Variants in SLA observed in about 807,000 individuals in gnomAD.
The protein encoded by SLA is Src like adaptor.
In SLA, 16 loss-of-function variants were observed where a neutral mutation model predicts 30.3. That is an observed-to-expected ratio of 0.53 (90% confidence interval 0.36 to 0.80). SLA has a LOEUF of 0.80. SLA is among the 30% of genes least tolerant of loss of function. The probability of loss-of-function intolerance (pLI) is 0.01; values close to 1 mark genes in which losing one functional copy is unlikely to be tolerated. For synonymous variants in SLA, 143 were observed against 137.8 expected (o/e 1.04, Z -0.26); for missense variants, 310 against 345.2 (o/e 0.90, Z 0.81).
intron 1 of SLA, among the ~76,000 whole-genome samples, chr8:133,093,644 T>G (rs531174255): frequency 9.2e-5 from 14 of 152,318 alleles, no homozygotes; most frequent in African/African-American, 3.1e-4. Context: ...TCCTTGCCAC[T>G]GGCTGAGATT....
In SLA at chr8:133,058,460, G is replaced by A. The variant is rs902637775; in HGVS notation, c.61+1640C>T. Among the ~76,000 whole-genome samples, 8 of 152,358 alleles carry A rather than the reference G, an allele frequency of 5.3e-5. No homozygotes were observed. In the South Asian group the frequency reaches 1.0e-3, roughly 20 times the overall value. ...TGAAAAGTTGAAGGCAAATGAGCAA[G>A]CCTTGGAGACTGATGTTTTCATGAG... is the stretch of plus-strand genomic sequence containing the variant. On this transcript the variant is annotated intron_variant, in intron 3 of 8. Transcript: ENST00000338087.
rs1433616841 is a variant in SLA, at chr8:133,042,694, T to C, written c.484+2290A>G. The stretch of plus-strand genomic sequence containing the variant: ...ATTCTGTGTCTTTTTTTTTTTTTTT[T>C]TTTTTTTTTTTTTTTGTGAGATGGA... On this transcript the variant is annotated intron_variant, in intron 7 of 8. Coordinates refer to ENST00000338087, the MANE Select transcript of SLA (RefSeq NM_001045556.3). 5.5e-5 allele frequency among the ~76,000 whole-genome samples: 7 copies of C among 126,316 alleles called. No individual in the cohort carries two copies. The East Asian group carries it at 8.9e-4, about 16-fold the overall frequency. The allele number at this position is 126,316 out of a possible 152,430, so 82.9% of individuals were successfully genotyped here.
Position 133,037,337 on chromosome 8 carries a change from C to T in SLA, c.*1187G>A, listed in dbSNP as rs1356960651. 1 of 152,216 alleles carries T rather than the reference C, an allele frequency of 6.6e-6. No homozygotes were observed. Among genetic ancestry groups the T allele is most frequent in the Non-Finnish European group, 1.5e-5 (1 of 68,038 alleles). The allele number at this position is 152,216 out of a possible 1,614,324, so 9.4% of individuals were successfully genotyped here. On this transcript the variant is annotated 3_prime_UTR_variant, in exon 9 of 9. Transcript: ENST00000338087. ...TAATCCACTTGGACTCCCCATCTTTCCTGGAGCTGAGCATTTTTCCTCATA... is the reference window on the plus strand; with the variant it reads ...TAATCCACTTGGACTCCCCATCTTTTCTGGAGCTGAGCATTTTTCCTCATA...
intron 7 of SLA, among the ~76,000 whole-genome samples, chr8:133,043,854 A>C (rs1352632945): frequency 6.6e-6 from 1 of 152,216 alleles, no homozygotes; most frequent in Non-Finnish European, 1.5e-5. Context: ...TGAACCCAGA[A>C]GGGGGAAGAT....
rs1837219205 is a variant in SLA at position 133,036,949 on chromosome 8, C to G, written c.*1575G>C. On this transcript the variant is annotated 3_prime_UTR_variant, in exon 9 of 9. Coordinates refer to ENST00000338087, the MANE Select transcript of SLA (RefSeq NM_001045556.3). The stretch of plus-strand genomic sequence containing the variant: ...AAGTCAATGTCCACAGTGTTACATT[C>G]ATTTCTCATACGTTGGCTGGTTCCT... 6.6e-6 allele frequency: 1 copy of G among 152,360 alleles called. No homozygotes were observed. Among genetic ancestry groups the G allele is most frequent in the South Asian group, 2.1e-4 (1 of 4,826 alleles). 9.4% of individuals were successfully genotyped at this position (152,360 alleles called of 1,614,324 possible). A position where few individuals can be genotyped will look rare whatever the true frequency, so the allele number is the denominator to read the frequency against.
chr8:133,051,084 G>A (rs140451912), intron 3 of SLA, among the ~76,000 whole-genome samples, 169 bp from the exon 4 acceptor site: 8 of 152,320 alleles, frequency 5.3e-5, no homozygotes, highest in Non-Finnish European at 1.2e-4. Context: ...AGATGGCTCT[G>A]CAGGGTGTGC....
At chr8:133,094,123 A>G (rs1360455297) in intron 1 of SLA, among the ~76,000 whole-genome samples, 2 of 152,164 alleles carry the variant, frequency 1.3e-5, no homozygotes, top group Non-Finnish European at 2.9e-5. Flanking sequence ...GACCCCACTC[A>G]GCTCATTTGT....
At chr8:133,102,210 C>T (rs182681865) in intron 1 of SLA, among the ~76,000 whole-genome samples, 2 of 152,322 alleles carry the variant, frequency 1.3e-5, no homozygotes, top group African/African-American at 4.8e-5. Context: ...TCTGAACCAC[C>T]TCAGCTGACC....
At chr8:133,078,641 G>A (rs1310712087) in intron 1 of SLA, among the ~76,000 whole-genome samples, 1 of 152,162 alleles carries the variant, frequency 6.6e-6, no homozygotes, top group Non-Finnish European at 1.5e-5. Flanking sequence ...GCATGTAACT[G>A]TACTGTGTGC....
At chr8:133,099,713 A>G (rs1848963245) in intron 1 of SLA, among the ~76,000 whole-genome samples, 1 of 152,194 alleles carries the variant, frequency 6.6e-6, no homozygotes, top group South Asian at 2.1e-4. Flanking sequence ...TTCTGTACTC[A>G]GGCTCAAAAC....
At chr8:133,043,830 G>A (rs1838780648) in intron 7 of SLA, among the ~76,000 whole-genome samples, 1 of 152,252 alleles carries the variant, frequency 6.6e-6, no homozygotes, top group African/African-American at 2.4e-5. Flanking sequence ...CCCAGTGTGT[G>A]AGGTCAAGCA....
chr8:133,067,931 G>C (rs112878378), intron 2 of SLA, among the ~76,000 whole-genome samples: 24,307 of 148,712 alleles, frequency 0.16, 2,461 homozygotes, highest in Non-Finnish European at 0.23. Context: ...GAGAGAGAGA[G>C]AAAGAAAGAA....
intron 3 of SLA, among the ~76,000 whole-genome samples, chr8:133,055,836 G>A (rs1841342537): frequency 8.6e-5 from 1 of 11,568 alleles, no homozygotes; most frequent in Non-Finnish European, 2.1e-4. Context: ...AGCAGCAGCA[G>A]CAGCAGCAGC....
chr8:133,076,426 T>C (rs1844870224), intron 1 of SLA, among the ~76,000 whole-genome samples: 1 of 152,210 alleles, frequency 6.6e-6, no homozygotes, highest in Non-Finnish European at 1.5e-5. Context: ...ACTAGAGAGA[T>C]GGTTCCTTAG....
Position 133,088,256 on chromosome 8 carries a change from G to GCTCCTC in SLA, c.-318-13132_-318-13127dup, listed in dbSNP as rs5895174. Among the ~76,000 whole-genome samples, 316 of 151,462 alleles carry GCTCCTC rather than the reference G, an allele frequency of 2.1e-3. 1 individual carries two copies. Among genetic ancestry groups the GCTCCTC allele is most frequent in the African/African-American group, 7.4e-3 (304 of 41,294 alleles). On this transcript the variant is annotated intron_variant, in intron 1 of 8. Coordinates refer to ENST00000338087, the MANE Select transcript of SLA (RefSeq NM_001045556.3). ...GATGGAGGAGCCAGGCTCCCCTCCTGCTCCTCCTCCTCCTCCTCCTCCTCT... is the reference window on the plus strand; with the variant it reads ...GATGGAGGAGCCAGGCTCCCCTCCTGCTCCTCCTCCTCCTCCTCCTCCTCCTCCTCT...
chr8:133,070,452 C>T (rs903940049), intron 2 of SLA, among the ~76,000 whole-genome samples: 11 of 152,216 alleles, frequency 7.2e-5, no homozygotes, highest in Admixed American at 2.0e-4. Context: ...TTAAAATACA[C>T]GGACTCATTT....
chr8:133,089,883 C>G (rs1847222522), intron 1 of SLA: 1 of 152,216 alleles, frequency 6.6e-6, no homozygotes, highest in Non-Finnish European at 1.5e-5. Context: ...TGGAAACCCA[C>G]TCAAGTCCTG....
At chr8:133,084,223 A>G (rs1044037090) in intron 1 of SLA, among the ~76,000 whole-genome samples, 2 of 152,240 alleles carry the variant, frequency 1.3e-5, no homozygotes, top group African/African-American at 4.8e-5. Flanking sequence ...GAAGGAAAAT[A>G]GAAAAAGACT....
At chr8:133,065,946 G>A (rs1038204904) in intron 2 of SLA, among the ~76,000 whole-genome samples, 1 of 152,148 alleles carries the variant, frequency 6.6e-6, no homozygotes, top group East Asian at 1.9e-4. Context: ...GGGATGAGGG[G>A]TGCAGAAGTG....
Sources: allele counts gnomAD v4.1 joint callset (sites outside exome capture counted in the v4.1 genomes callset), GRCh38; gene constraint gnomAD v4.1.1; transcripts MANE v1.5; gene names NCBI Gene and HGNC (gene_info 2026-07-23, HGNC 2026-07-21).